The following SAMD12 variants were observed in gnomAD, a reference collection of about 807,000 sequenced individuals.
The protein encoded by SAMD12 is sterile alpha motif domain-containing protein 12.
SAMD12 carries 9 observed loss-of-function variants against 15.0 expected under a neutral mutation model. The ratio of observed to expected loss-of-function variants is 0.60; its 90% CI spans 0.36 to 1.05. The LOEUF is 1.05. Among genes scored for constraint, SAMD12 ranks in the 50% least tolerant of loss-of-function variants. The pLI, the probability that SAMD12 is intolerant of heterozygous loss-of-function variation, is 0.01. For missense variants in SAMD12, 230 were observed against 234.2 expected, an observed-to-expected ratio of 0.98 and a Z score of 0.12; for synonymous variants, 86 against 90.1, an observed-to-expected ratio of 0.96 and a Z score of 0.25.
intron 2 of SAMD12, among the ~76,000 whole-genome samples, chr8:118,458,929 T>C (rs1215069945): frequency 6.8e-6 from 1 of 147,418 alleles, no homozygotes; most frequent in African/African-American, 2.5e-5. Flanking sequence ...TCAAAGCAAA[T>C]AGTAAAGTCT....
chr8:118,134,711 T>C, the SAMD12 span, among the ~76,000 whole-genome samples: 1 of 152,152 alleles, frequency 6.6e-6, no homozygotes, highest in Admixed American at 6.6e-5. Flanking sequence ...TTTCTTGGTT[T>C]GTGGTCAGGC....
chr8:118,148,137 C>T, the SAMD12 span, among the ~76,000 whole-genome samples: 3 of 151,644 alleles, frequency 2.0e-5, no homozygotes, highest in Admixed American at 2.0e-4. Context: ...ACCATGTTGG[C>T]CAGGCTAGTC....
chr8:118,300,332 T>C (rs1814951047), intron 4 of SAMD12, among the ~76,000 whole-genome samples: 1 of 152,200 alleles, frequency 6.6e-6, no homozygotes, highest in Non-Finnish European at 1.5e-5. Flanking sequence ...CATTCCTAGT[T>C]TCTCCTATTC....
chr8:118,158,841 A>G, the SAMD12 span, among the ~76,000 whole-genome samples: 1 of 152,068 alleles, frequency 6.6e-6, no homozygotes. Context: ...GTCTCCTCCC[A>G]GTTGAGAGCT....
At chr8:118,171,014 A>G in the SAMD12 span, among the ~76,000 whole-genome samples, 1 of 152,200 alleles carries the variant, frequency 6.6e-6, no homozygotes, top group Non-Finnish European at 1.5e-5. Context: ...TGGTCAAAAG[A>G]TATGAATAGA....
At chr8:118,546,057 G>A (rs1014490469) in intron 2 of SAMD12, among the ~76,000 whole-genome samples, 2 of 152,122 alleles carry the variant, frequency 1.3e-5, no homozygotes, top group African/African-American at 2.4e-5. Context: ...AGAATAGTTC[G>A]TGGCACAAAG....
chr8:118,335,018 C>T (rs948086167), intron 4 of SAMD12, among the ~76,000 whole-genome samples: 9 of 152,200 alleles, frequency 5.9e-5, no homozygotes, highest in African/African-American at 1.9e-4. Context: ...GTTAACTTTA[C>T]TGTGCTCATG....
chr8:118,286,732 A>C (rs1276265450), intron 4 of SAMD12, among the ~76,000 whole-genome samples: 2 of 152,194 alleles, frequency 1.3e-5, no homozygotes, highest in Non-Finnish European at 2.9e-5. Flanking sequence ...ATCAACACCT[A>C]TGTGCTAGTA....
chr8:118,366,541 G>T (rs1041123221), intron 4 of SAMD12, among the ~76,000 whole-genome samples: 4 of 152,106 alleles, frequency 2.6e-5, no homozygotes, highest in African/African-American at 9.7e-5. Context: ...GGCTGGGCAC[G>T]GTGGCTCATG....
chr8:118,605,124 A>C lies in SAMD12; in HGVS notation c.13+16680T>G, dbSNP rs372094887. ...TTGGTCCAACACAGATACGCCTTTCACTAGAAAAGCTAAGTGTTTTCTAAG... is the reference window on the plus strand; with the variant it reads ...TTGGTCCAACACAGATACGCCTTTCCCTAGAAAAGCTAAGTGTTTTCTAAG... On this transcript the variant is annotated intron_variant, in intron 1 of 3. Coordinates refer to ENST00000314727, the MANE Select transcript of SAMD12 (RefSeq NM_207506.3). Among the ~76,000 whole-genome samples the C allele has an allele frequency of 2.0e-5, 3 of 152,184 alleles. No homozygotes were observed. In the East Asian group the frequency reaches 5.8e-4, roughly 29 times the overall value.
chr8:118,484,502 G>A (rs951059761), intron 2 of SAMD12, among the ~76,000 whole-genome samples: 40 of 152,270 alleles, frequency 2.6e-4, no homozygotes, highest in African/African-American at 9.1e-4. Context: ...TTATGGCACA[G>A]ATTGTGGTGA....
At chr8:118,305,957 T>C (rs73321935) in intron 4 of SAMD12, among the ~76,000 whole-genome samples, 3,596 of 152,232 alleles carry the variant, frequency 0.024, 114 homozygotes, top group African/African-American at 0.077. Flanking sequence ...TGGCTGCATC[T>C]CCTCCTGGTT....
At chr8:118,342,001 T>G (rs1817389836) in intron 4 of SAMD12, among the ~76,000 whole-genome samples, 1 of 152,146 alleles carries the variant, frequency 6.6e-6, no homozygotes, top group African/African-American at 2.4e-5. Context: ...ATGAAAAAGT[T>G]TTAAGAGGCC....
At chr8:118,270,644 G>A (rs941246554) in intron 4 of SAMD12, among the ~76,000 whole-genome samples, 7 of 152,140 alleles carry the variant, frequency 4.6e-5, no homozygotes, top group African/African-American at 1.7e-4. Context: ...TTTTTAGGGG[G>A]AGTTGGGGAG....
intron 2 of SAMD12, among the ~76,000 whole-genome samples, chr8:118,496,251 C>T (rs1824605846): frequency 6.6e-6 from 1 of 152,016 alleles, no homozygotes. Context: ...CCATAATGGC[C>T]TAAGTAGATA....
chr8:118,520,349 G>A (rs1825355221), intron 2 of SAMD12, among the ~76,000 whole-genome samples: 1 of 152,118 alleles, frequency 6.6e-6, no homozygotes, highest in African/African-American at 2.4e-5. Flanking sequence ...TGAACTGGCA[G>A]GCATGGTAAG....
intron 2 of SAMD12, among the ~76,000 whole-genome samples, chr8:118,515,225 G>C (rs554556145): frequency 4.7e-4 from 63 of 133,390 alleles, no homozygotes; most frequent in Non-Finnish European, 2.3e-4. Context: ...AGTAGAGATG[G>C]GGTTTCACTG....
At position 118,467,850 on chromosome 8, in the gene SAMD12, C is replaced by T. The variant is rs180904954; in HGVS notation, c.193-27889G>A. On this transcript the variant is annotated intron_variant, in intron 2 of 3. Coordinates refer to ENST00000314727, the MANE Select transcript of SAMD12 (RefSeq NM_207506.3). ...GGCTCTTTAGATTACACATTGAAATCGCCAAGACACTCTGTCAATTCAAGA... is the reference window on the plus strand; with the variant it reads ...GGCTCTTTAGATTACACATTGAAATTGCCAAGACACTCTGTCAATTCAAGA... Among the ~76,000 whole-genome samples, 265 of 152,288 alleles carry T rather than the reference C, an allele frequency of 1.7e-3. 1 individual carries two copies. The highest frequency in any genetic ancestry group is 6.1e-3 in the African/African-American group (255 of 41,546).
the SAMD12 span, among the ~76,000 whole-genome samples, chr8:118,165,639 T>TATATATGTGTATATATATATATATACAC: frequency 1.4e-5 from 2 of 138,310 alleles, no homozygotes; most frequent in African/African-American, 3.0e-5. Context: ...TATATATACA[T>TATATATGTGTATATATATATATATACAC]ATATATATAT....
Sources: gnomAD v4.1 joint callset for allele counts (sites outside exome capture counted in the v4.1 genomes callset) on GRCh38, gnomAD v4.1.1 for gene constraint, MANE v1.5 for transcripts, NCBI Gene and HGNC (gene_info 2026-07-23, HGNC 2026-07-21) for gene names.